IGSF3: variants seen among roughly 807,000 people sequenced by gnomAD.
IGSF3 encodes immunoglobulin superfamily member 3, also known as glu-Trp-Ile EWI motif-containing protein 3.
A neutral mutation model predicts 114.4 loss-of-function variants in IGSF3; 23 were observed. The ratio of observed to expected loss-of-function variants is 0.20; its 90% confidence interval spans 0.14 to 0.28. IGSF3 has a LOEUF of 0.28. Ranked by LOEUF, IGSF3 falls within the 10% of genes least tolerant of loss-of-function variation. The pLI is 1.00. For synonymous variants in IGSF3, 571 were observed against 645.2 expected, an observed-to-expected ratio of 0.88 and a Z score of 1.74; for missense variants, 1,172 against 1,591.5, an observed-to-expected ratio of 0.74 and a Z score of 4.48.
In IGSF3 at chr1:116,582,210, T is replaced by C. The variant is rs987048046; in HGVS notation, c.2849-2333A>G. On this transcript the variant is annotated intron_variant, in intron 9 of 10. Coordinates refer to ENST00000369486, the MANE Select transcript of IGSF3 (RefSeq NM_001007237.3). The surrounding 1 kb of genome is among the most constrained non-coding windows in gnomAD (Gnocchi z 4.7). Reference sequence around the variant, plus strand: ...ATGTTTCTCTACCAATTTAGTTCCCTGAATCTGCCCCCTTCTAGAATATGC... The same window carrying C: ...ATGTTTCTCTACCAATTTAGTTCCCCGAATCTGCCCCCTTCTAGAATATGC... Among the ~76,000 whole-genome samples the C allele has an allele frequency of 6.6e-6, 1 of 152,230 alleles. No individual in the cohort carries two copies. Among genetic ancestry groups the C allele is most frequent in the Non-Finnish European group, 1.5e-5 (1 of 68,032 alleles).
At position 116,588,955 on chromosome 1, in the gene IGSF3, C is replaced by T; in HGVS notation, c.2179G>A (p.Gly727Ser). 2 of 1,614,214 alleles carry T rather than the reference C, an allele frequency of 1.2e-6. No homozygotes were observed. Among genetic ancestry groups the T allele is most frequent in the South Asian group, 1.1e-5 (1 of 91,084 alleles). ...WYVHKPSDAD[G>S]KLILKTTHNS... ...TGGGTGGTCTTCAGGATAAGCTTGCCATCGGCATCCGAGGGCTTGTGGACA... is the reference window on the plus strand; with the variant it reads ...TGGGTGGTCTTCAGGATAAGCTTGCTATCGGCATCCGAGGGCTTGTGGACA... Residue 727 changes from glycine to serine, a missense_variant, in exon 8 of 11, where the codon GGC becomes AGC. Physicochemically the swap from Gly to Ser is moderately conservative, Grantham distance 56 (BLOSUM62 0). Coordinates refer to ENST00000369486, the MANE Select transcript of IGSF3 (RefSeq NM_001007237.3). The surrounding 1 kb of genome is among the most constrained non-coding windows in gnomAD (Gnocchi z 4.9).
intron 2 of IGSF3, among the ~76,000 whole-genome samples, chr1:116,631,175 G>A (rs372480486): frequency 6.9e-4 from 105 of 151,436 alleles, no homozygotes; most frequent in African/African-American, 2.3e-3. Flanking sequence ...AAAATTAGCC[G>A]GGAGCGGTGG....
In IGSF3 at chr1:116,647,231, C is replaced by T. The variant is rs903715974; in HGVS notation, c.43+19053G>A. ...TCACTGCTGCCGATGCCCTTGACAG[C>T]GATGTCTGAGGCTGGCGTGAGTGCT... On this transcript the variant is annotated intron_variant, in intron 2 of 10. Transcript: ENST00000369486. The surrounding 1 kb of genome is among the most constrained non-coding windows in gnomAD (Gnocchi z 4.6). Among the ~76,000 whole-genome samples, 2 of 152,226 alleles carry T rather than the reference C, an allele frequency of 1.3e-5. No individual in the cohort carries two copies. Among genetic ancestry groups the T allele is most frequent in the African/African-American group, 2.4e-5 (1 of 41,458 alleles).
rs1343380991 is a variant in IGSF3, at chr1:116,623,990, G to A, written c.44-7533C>T. On this transcript the variant is annotated intron_variant, in intron 2 of 10. Coordinates refer to ENST00000369486, the MANE Select transcript of IGSF3 (RefSeq NM_001007237.3). ...TAATCCCAGCTACTCCGGAGGCTGAGGCAGGAGAATCGCTTGAACCCAGCA... is the reference window on the plus strand; with the variant it reads ...TAATCCCAGCTACTCCGGAGGCTGAAGCAGGAGAATCGCTTGAACCCAGCA... Among the ~76,000 whole-genome samples the A allele has an allele frequency of 2.0e-5, 3 of 151,280 alleles. No homozygotes were observed. In the East Asian group the frequency reaches 5.8e-4, roughly 29 times the overall value.
rs1661045728 is a variant in IGSF3, at chr1:116,612,147, T to G, written c.832+1618A>C. On this transcript the variant is annotated intron_variant, in intron 4 of 10. Transcript: ENST00000369486. The surrounding 1 kb of genome is among the most constrained non-coding windows in gnomAD (Gnocchi z 4.1). ...AAGAAGATTAACTGATGCAACCTAA[T>G]TTAAAAGCATTAAGACTCAAAATTT... is the stretch of plus-strand genomic sequence containing the variant. Among the ~76,000 whole-genome samples, 1 of 149,774 alleles carries G rather than the reference T, an allele frequency of 6.7e-6. No individual in the cohort carries two copies. Among genetic ancestry groups the G allele is most frequent in the African/African-American group, 2.6e-5 (1 of 39,098 alleles).
intron 2 of IGSF3, among the ~76,000 whole-genome samples, chr1:116,620,861 C>A (rs1331095410): frequency 6.6e-6 from 1 of 152,142 alleles, no homozygotes; most frequent in African/African-American, 2.4e-5. Context: ...CCACATCAGC[C>A]TCCTGAGTAT....
At position 116,661,911 on chromosome 1, in the gene IGSF3, G is replaced by A. The variant is rs1401305681; in HGVS notation, c.43+4373C>T. ...CTTCCAGGAAGTATCCTTACATTAA[G>A]AGGTCCTACCCTTCACTAGCCTTTT... On this transcript the variant is annotated intron_variant, in intron 2 of 10. Transcript: ENST00000369486. The surrounding 1 kb of genome is among the most constrained non-coding windows in gnomAD (Gnocchi z 4.0). Among the ~76,000 whole-genome samples, 1 of 152,150 alleles carries A rather than the reference G, an allele frequency of 6.6e-6. No homozygotes were observed. The highest frequency in any genetic ancestry group is 2.4e-5 in the African/African-American group (1 of 41,408).
intron 1 of IGSF3, among the ~76,000 whole-genome samples, chr1:116,667,195 G>A (rs917692937): frequency 6.6e-6 from 1 of 152,134 alleles, no homozygotes; most frequent in Non-Finnish European, 1.5e-5. Context: ...TTCACTCCTG[G>A]GAATTCCCGT....
In IGSF3 at chr1:116,631,994, G is replaced by A. The variant is rs113592385; in HGVS notation, c.44-15537C>T. ...TATAACTCCCAAATAAGCTCCACTC[G>A]CCACAAAGTTCAAGACACAGAAACG... is the stretch of plus-strand genomic sequence containing the variant. On this transcript the variant is annotated intron_variant, in intron 2 of 10. Coordinates refer to ENST00000369486, the MANE Select transcript of IGSF3 (RefSeq NM_001007237.3). Among the ~76,000 whole-genome samples, 156 of 152,206 alleles carry A rather than the reference G, an allele frequency of 1.0e-3. 1 individual carries two copies. Among genetic ancestry groups the A allele is most frequent in the African/African-American group, 3.6e-3 (148 of 41,514 alleles).
In IGSF3 at chr1:116,666,421, C is replaced by G; in HGVS notation, c.-95G>C. 2 of 1,176,454 alleles carry G rather than the reference C, an allele frequency of 1.7e-6. No individual in the cohort carries two copies. Among genetic ancestry groups the G allele is most frequent in the Non-Finnish European group, 2.6e-6 (2 of 782,992 alleles). The allele number at this position is 1,176,454 out of a possible 1,614,324, so 72.9% of individuals were successfully genotyped here. On this transcript the variant is annotated 5_prime_UTR_variant, in exon 2 of 11. Transcript: ENST00000369486. ...GCAATCCACTTATAGCTCCAGAGAA[C>G]AGTTTTGGAAATAGAACTTAACTCG...
rs1661239585 is a variant in IGSF3 at position 116,616,892 on chromosome 1, C to T, written c.44-435G>A. ...GAAATCTGGCTGAAATTAAATGCTT[C>T]TTCCTTGGTCTGAGCGCTGGTGGGA... is the stretch of plus-strand genomic sequence containing the variant. On this transcript the variant is annotated intron_variant, in intron 2 of 10. Coordinates refer to ENST00000369486, the MANE Select transcript of IGSF3 (RefSeq NM_001007237.3). This position sits in a 1 kb window ranked among gnomAD's most constrained non-coding sequence, Gnocchi z 6.6. Among the ~76,000 whole-genome samples the T allele has an allele frequency of 6.6e-6, 1 of 152,214 alleles. No homozygotes were observed. Among genetic ancestry groups the T allele is most frequent in the South Asian group, 2.1e-4 (1 of 4,834 alleles).
In IGSF3 at chr1:116,657,482, C is replaced by T. The variant is rs572006374; in HGVS notation, c.43+8802G>A. On this transcript the variant is annotated intron_variant, in intron 2 of 10. Coordinates refer to ENST00000369486, the MANE Select transcript of IGSF3 (RefSeq NM_001007237.3). This position sits in a 1 kb window ranked among gnomAD's most constrained non-coding sequence, Gnocchi z 4.2. ...ATCAAACATGTGTGCTTTGGTCATCCGCAACCCAGACCACTAGACTAATTT... is the reference window on the plus strand; with the variant it reads ...ATCAAACATGTGTGCTTTGGTCATCTGCAACCCAGACCACTAGACTAATTT... 1.2e-4 allele frequency among the ~76,000 whole-genome samples: 18 copies of T among 152,258 alleles called. No individual in the cohort carries two copies. The highest frequency in any genetic ancestry group is 3.9e-4 in the Admixed American group (6 of 15,288).
At position 116,613,916 on chromosome 1, in the gene IGSF3, G is replaced by T. The variant is rs1475334225; in HGVS notation, c.681C>A (p.Thr227=). The T allele has an allele frequency of 4.5e-5, 72 of 1,613,898 alleles. No homozygotes were observed. The highest frequency in any genetic ancestry group is 6.0e-5 in the Non-Finnish European group (71 of 1,179,846). The change falls in exon 4 of 11, where the codon ACC becomes ACA. Residue 227 remains threonine (T), a synonymous_variant. Coordinates refer to ENST00000369486, the MANE Select transcript of IGSF3 (RefSeq NM_001007237.3). ...GGTGGAAGATGGTGAGGCGGAAGGTGGTCCTCCCCAGCTTGTCCAGCCGCA... is the reference window on the plus strand; with the variant it reads ...GGTGGAAGATGGTGAGGCGGAAGGTTGTCCTCCCCAGCTTGTCCAGCCGCA... ...GEVRLDKLGR[T]TFRLTIFHLQ... is the part of the protein sequence containing the mutation.
rs1362972610 is a variant in IGSF3, at chr1:116,613,812, A to G, written c.785T>C (p.Met262Thr). ...IQDPDGSWYAMTRKRSEGAVV... is the reference protein window; with the variant it reads ...IQDPDGSWYATTRKRSEGAVV... Reference sequence around the variant, plus strand: ...GGCTCCCTCGGAACGCTTTCGGGTCATAGCATACCACGACCCATCCGGATC... The same window carrying G: ...GGCTCCCTCGGAACGCTTTCGGGTCGTAGCATACCACGACCCATCCGGATC... The change falls in exon 4 of 11, where the codon ATG becomes ACG. Residue 262 changes from methionine to threonine, a missense_variant. Transcript: ENST00000369486. The G allele has an allele frequency of 6.2e-7, 1 of 1,613,992 alleles. No homozygotes were observed. The highest frequency in any genetic ancestry group is 1.7e-5 in the Admixed American group (1 of 60,026).
chr1:116,667,069 A>G (rs758905705), intron 1 of IGSF3, 113 bp from the exon 2 acceptor site: 6 of 383,958 alleles, frequency 1.6e-5, no homozygotes, highest in Non-Finnish European at 2.8e-5. Context: ...AGGACAGTCA[A>G]CCTCTGCATT....
intron 2 of IGSF3, among the ~76,000 whole-genome samples, chr1:116,656,585 C>T (rs1379259899): frequency 1.3e-5 from 2 of 151,870 alleles, no homozygotes; most frequent in East Asian, 1.9e-4. Flanking sequence ...TTTCTACATT[C>T]TTGTAACAGA....
intron 4 of IGSF3, among the ~76,000 whole-genome samples, chr1:116,609,491 C>T (rs1426110791): frequency 6.6e-6 from 1 of 152,102 alleles, no homozygotes; most frequent in African/African-American, 2.4e-5. Flanking sequence ...TACCAGTGTA[C>T]AGTGGCTATT....
At chr1:116,653,353 G>A (rs1648711244) in intron 2 of IGSF3, among the ~76,000 whole-genome samples, 1 of 152,304 alleles carries the variant, frequency 6.6e-6, no homozygotes, top group East Asian at 1.9e-4. Context: ...ATGATGACAA[G>A]GAGGCACATA....
rs1369697946 is a variant in IGSF3 at position 116,597,470 on chromosome 1, C to T, written c.2029+2471G>A. On this transcript the variant is annotated intron_variant, in intron 7 of 10. Coordinates refer to ENST00000369486, the MANE Select transcript of IGSF3 (RefSeq NM_001007237.3). ...ATGCACTCTCCTGGTGCCTCAGCTG[C>T]CCTCTGGGAGTCCTGCACGGCCTCA... is the stretch of plus-strand genomic sequence containing the variant. Among the ~76,000 whole-genome samples the T allele has an allele frequency of 2.0e-5, 3 of 152,200 alleles. No individual in the cohort carries two copies. The East Asian group carries it at 5.8e-4, about 29-fold the overall frequency.
Sources: gnomAD v4.1 joint callset for allele counts (sites outside exome capture counted in the v4.1 genomes callset) on GRCh38, gnomAD v4.1.1 for gene constraint, Gnocchi (gnomAD v3.1) non-coding constraint, MANE v1.5 for transcripts, NCBI Gene and HGNC (gene_info 2026-07-23, HGNC 2026-07-21) for gene names.